The following CEMIP2 variants were observed in gnomAD, a reference collection of about 807,000 sequenced individuals.
The protein encoded by CEMIP2 is cell surface hyaluronidase CEMIP2.
In CEMIP2, 79 loss-of-function variants were observed where a neutral mutation model predicts 146.9. The observed-to-expected ratio is 0.54, with a 90% CI of 0.45 to 0.65. The LOEUF is 0.65. CEMIP2 is among the 30% of genes least tolerant of loss of function. The probability of loss-of-function intolerance (pLI) is 0.00; values close to 1 mark genes in which losing one functional copy is unlikely to be tolerated. For synonymous variants in CEMIP2, 601 were observed against 606.3 expected (o/e 0.99, Z 0.13); for missense variants, 1,596 against 1,696.2 (o/e 0.94, Z 1.04).
chr9:71,760,158 G>A (rs963040997), intron 1 of CEMIP2, among the ~76,000 whole-genome samples: 6 of 151,994 alleles, frequency 3.9e-5, no homozygotes, highest in African/African-American at 1.4e-4. Flanking sequence ...CTATAGTTAG[G>A]AAATAAATCT....
intron 12 of CEMIP2, among the ~76,000 whole-genome samples, chr9:71,720,179 T>G (rs1823192554): frequency 6.6e-6 from 1 of 152,252 alleles, no homozygotes; most frequent in African/African-American, 2.4e-5. Flanking sequence ...TCTTGTAGAT[T>G]AAATTTCCTA....
chr9:71,727,460 G>T (rs901908502), intron 10 of CEMIP2, among the ~76,000 whole-genome samples: 21 of 152,114 alleles, frequency 1.4e-4, no homozygotes, highest in African/African-American at 5.1e-4. Flanking sequence ...CTGGGTTTCT[G>T]CCCTGTCAAA....
rs547550861 is a variant in CEMIP2, at chr9:71,711,471, G to A, written c.2769+612C>T. ...TGTATACCCAGCTACTTAGGGGGCT[G>A]AGGTGGGAGGATGGCTTGAGCCATC... On this transcript the variant is annotated intron_variant, in intron 16 of 23. Coordinates refer to ENST00000377044, the MANE Select transcript of CEMIP2 (RefSeq NM_013390.3). Among the ~76,000 whole-genome samples the A allele has an allele frequency of 4.6e-5, 7 of 152,054 alleles. No homozygotes were observed. In the East Asian group the frequency reaches 5.8e-4, roughly 13 times the overall value.
At chr9:71,729,037 G>A (rs765283307) in intron 10 of CEMIP2, among the ~76,000 whole-genome samples, 2 of 150,984 alleles carry the variant, frequency 1.3e-5, no homozygotes, top group African/African-American at 4.9e-5. Context: ...ATTGGGTTTC[G>A]CCATGTTGCC....
intron 1 of CEMIP2, among the ~76,000 whole-genome samples, chr9:71,764,903 T>C (rs547339757): frequency 7.8e-4 from 117 of 150,800 alleles, no homozygotes; most frequent in African/African-American, 2.7e-3. Context: ...AAAAGGCAGA[T>C]GCATAGCTTT....
chr9:71,705,255 G>A (rs961763785), intron 17 of CEMIP2, among the ~76,000 whole-genome samples: 1 of 151,268 alleles, frequency 6.6e-6, no homozygotes, highest in Admixed American at 6.6e-5. Context: ...AATTTTCCAT[G>A]ACCTACGTCA....
intron 4 of CEMIP2, among the ~76,000 whole-genome samples, chr9:71,740,575 C>T (rs931626974): frequency 2.0e-5 from 3 of 152,188 alleles, no homozygotes; most frequent in Non-Finnish European, 4.4e-5. Context: ...ATGATTATCA[C>T]ATGCTCTCTT....
chr9:71,698,627 A>G (rs1487802722), intron 19 of CEMIP2, among the ~76,000 whole-genome samples: 1 of 152,250 alleles, frequency 6.6e-6, no homozygotes, highest in Non-Finnish European at 1.5e-5. Context: ...CATAAAACTG[A>G]AATAATAAAA....
At chr9:71,767,813 C>T (rs1824841562) in intron 1 of CEMIP2, among the ~76,000 whole-genome samples, 1 of 152,150 alleles carries the variant, frequency 6.6e-6, no homozygotes, top group South Asian at 2.1e-4. Context: ...AACAGAGAGG[C>T]AGGGGGCGGA....
intron 22 of CEMIP2, among the ~76,000 whole-genome samples, chr9:71,689,663 G>A (rs895885138): frequency 7.2e-5 from 11 of 152,154 alleles, no homozygotes; most frequent in African/African-American, 2.7e-4. Context: ...GGGTTGCAAA[G>A]GTAAACTGCC....
At position 71,745,058 on chromosome 9, in the gene CEMIP2, C is replaced by A; in HGVS notation, c.994G>T (p.Glu332Ter). The change falls in exon 4 of 24, where the codon GAA becomes TAA. Residue 332 changes from glutamate to a stop codon, truncating the protein, a stop_gained. Transcript: ENST00000377044. LOFTEE classifies it high-confidence loss of function. The stretch of plus-strand genomic sequence containing the variant: ...TGGATCAGTTCACTTCCCAACCGTT[C>A]CTGGATCATCTGGATGGTTCCTTGT... ...LLQGTIQMIQ[E>*]RLGSELIQGL... 1.9e-6 allele frequency: 3 copies of A among 1,614,126 alleles called. No homozygotes were observed. The highest frequency in any genetic ancestry group is 2.5e-6 in the Non-Finnish European group (3 of 1,179,996).
At chr9:71,731,477 C>A (rs1220086368) in intron 7 of CEMIP2, among the ~76,000 whole-genome samples, 1 of 152,092 alleles carries the variant, frequency 6.6e-6, no homozygotes, top group Non-Finnish European at 1.5e-5. Flanking sequence ...TGGCTCACAC[C>A]TAGCACTTTG....
chr9:71,731,768 A>G (rs1284633471), intron 7 of CEMIP2, among the ~76,000 whole-genome samples: 2 of 151,890 alleles, frequency 1.3e-5, no homozygotes, highest in Non-Finnish European at 1.5e-5. Context: ...CAGAAATACT[A>G]CTTACAACCA....
chr9:71,694,099 TTTTATTTATTTATTTA>T lies in CEMIP2; in HGVS notation c.3696+394_3696+409del, dbSNP rs77361296. 8.0e-3 allele frequency among the ~76,000 whole-genome samples: 1,169 copies of T among 145,578 alleles called. 9 individuals carry two copies. The highest frequency in any genetic ancestry group is 0.012 in the Non-Finnish European group (831 of 66,650). On this transcript the variant is annotated intron_variant, in intron 21 of 23. Coordinates refer to ENST00000377044, the MANE Select transcript of CEMIP2 (RefSeq NM_013390.3). Reference sequence around the variant, plus strand: ...TGAGAAATAAATTTCTGTTGTTTATTTTTATTTATTTATTTATTTATTTATTTATTTATTTATTTTG... The same window carrying T: ...TGAGAAATAAATTTCTGTTGTTTATTTTTATTTATTTATTTATTTATTTTG...
At chr9:71,756,191 CTAGATAGA>C (rs144371815) in intron 1 of CEMIP2, among the ~76,000 whole-genome samples, 95 of 128,492 alleles carry the variant, frequency 7.4e-4, no homozygotes, top group African/African-American at 2.4e-3. Flanking sequence ...AGCAAAAATG[CTAGATAGA>C]TAGATAGATA....
chr9:71,761,644 C>A (rs999013616), intron 1 of CEMIP2, among the ~76,000 whole-genome samples: 77 of 152,156 alleles, frequency 5.1e-4, no homozygotes, highest in African/African-American at 1.8e-3. Flanking sequence ...AAACAGGGCA[C>A]AAGGTCAGCT....
At chr9:71,757,306 A>G (rs1025102985) in intron 1 of CEMIP2, among the ~76,000 whole-genome samples, 4 of 152,234 alleles carry the variant, frequency 2.6e-5, no homozygotes, top group Non-Finnish European at 4.4e-5. Flanking sequence ...TGGAAGATTC[A>G]GGCTTGTGGG....
chr9:71,708,560 C>G (rs141591099), intron 17 of CEMIP2, among the ~76,000 whole-genome samples: 60 of 152,276 alleles, frequency 3.9e-4, no homozygotes, highest in African/African-American at 1.3e-3. Context: ...AGAATTCAAA[C>G]CCAGGCAGTC....
intron 20 of CEMIP2, among the ~76,000 whole-genome samples, chr9:71,695,584 GA>G (rs1357850012): frequency 6.6e-6 from 1 of 152,114 alleles, no homozygotes; most frequent in African/African-American, 2.4e-5. Flanking sequence ...TGAGGCAGGA[GA>G]ATTGCTTGAG....
Sources: gnomAD v4.1 joint callset for allele counts (sites outside exome capture counted in the v4.1 genomes callset) on GRCh38, gnomAD v4.1.1 for gene constraint, MANE v1.5 for transcripts, NCBI Gene and HGNC (gene_info 2026-07-23, HGNC 2026-07-21) for gene names.